SPAG16: variants seen among roughly 807,000 people sequenced by gnomAD.
The protein encoded by SPAG16 is sperm-associated antigen 16 protein.
Under a neutral mutation model 80.4 loss-of-function variants are expected in SPAG16, and 86 were observed. The observed-to-expected ratio is 1.07, with a 90% CI of 0.90 to 1.28. The LOEUF (loss-of-function observed/expected upper bound fraction) is 1.28, where lower values mean the gene tolerates loss of function less well. Among genes scored for constraint, SPAG16 ranks in the 50% most tolerant of loss-of-function variants. The probability of loss-of-function intolerance (pLI) is 0.00; values close to 1 mark genes in which losing one functional copy is unlikely to be tolerated. For missense variants in SPAG16, 870 were observed against 765.3 expected (o/e 1.14, Z -1.61); for synonymous variants, 294 against 265.9 (o/e 1.11, Z -1.03).
At position 213,791,659 on chromosome 2, in the gene SPAG16, AC is replaced by A. The variant is rs2070710302; in HGVS notation, c.1071-70825del. ...ATGAAAAATATTCATTCTGAAATCT[AC>A]GTTAAATACTTCAAATAAAAAAGTA... On this transcript the variant is annotated intron_variant, in intron 10 of 15. Coordinates refer to ENST00000331683, the MANE Select transcript of SPAG16 (RefSeq NM_024532.5). Among the ~76,000 whole-genome samples, 11 of 152,268 alleles carry A rather than the reference AC, an allele frequency of 7.2e-5. No individual in the cohort carries two copies. The South Asian group carries it at 2.3e-3, about 32-fold the overall frequency.
At chr2:213,330,156 C>T (rs1211812207) in intron 5 of SPAG16, among the ~76,000 whole-genome samples, 1 of 152,190 alleles carries the variant, frequency 6.6e-6, no homozygotes, top group Non-Finnish European at 1.5e-5. Flanking sequence ...GGTGGGAGCC[C>T]CCACACAGAG....
intron 10 of SPAG16, among the ~76,000 whole-genome samples, chr2:213,761,872 CA>C (rs1285171379): frequency 7.7e-6 from 1 of 129,172 alleles, no homozygotes; most frequent in Non-Finnish European, 1.8e-5. Flanking sequence ...TGTCAAAAAA[CA>C]AAAATAAAAA....
intron 11 of SPAG16, chr2:213,923,741 A>T (rs2078329077): frequency 1.3e-5 from 2 of 152,224 alleles, no homozygotes; most frequent in South Asian, 2.1e-4. Context: ...GCAACCAGTG[A>T]TGAGGGCAGG....
intron 15 of SPAG16, among the ~76,000 whole-genome samples, chr2:214,254,211 T>C (rs1690511119): frequency 1.3e-5 from 2 of 152,174 alleles, no homozygotes; most frequent in Admixed American, 1.3e-4. Flanking sequence ...TTTCTAAATA[T>C]ACAATCATGT....
chr2:213,793,887 A>T (rs2070858215), intron 10 of SPAG16, among the ~76,000 whole-genome samples: 1 of 152,134 alleles, frequency 6.6e-6, no homozygotes, highest in Non-Finnish European at 1.5e-5. Flanking sequence ...CATAAATGAG[A>T]CACTTCTCAG....
At chr2:214,164,586 C>T (rs969546933) in intron 15 of SPAG16, among the ~76,000 whole-genome samples, 7 of 152,068 alleles carry the variant, frequency 4.6e-5, no homozygotes, top group African/African-American at 1.4e-4. Context: ...GTGGCACCAA[C>T]GCTGGTCTTT....
chr2:214,144,934 A>G (rs1183623358), intron 14 of SPAG16, among the ~76,000 whole-genome samples: 3 of 152,042 alleles, frequency 2.0e-5, no homozygotes, highest in Non-Finnish European at 2.9e-5. Context: ...ATATAAAGAC[A>G]TAGGGACTTT....
intron 11 of SPAG16, among the ~76,000 whole-genome samples, chr2:213,888,121 G>A (rs574366415): frequency 6.6e-6 from 1 of 151,860 alleles, no homozygotes; most frequent in East Asian, 1.9e-4. Flanking sequence ...TGGATGCTTT[G>A]AATAGACTTA....
At chr2:213,989,454 C>T (rs1212796888) in intron 12 of SPAG16, among the ~76,000 whole-genome samples, 1 of 151,966 alleles carries the variant, frequency 6.6e-6, no homozygotes, top group East Asian at 1.9e-4. Flanking sequence ...TGGGGTTTTC[C>T]TGCTTTTATT....
chr2:214,226,812 C>A (rs562571188), intron 15 of SPAG16, among the ~76,000 whole-genome samples: 1 of 152,040 alleles, frequency 6.6e-6, no homozygotes. Context: ...CTGGTTGGAG[C>A]TGATCCCCTG....
At chr2:214,083,819 G>A (rs573277194) in intron 13 of SPAG16, among the ~76,000 whole-genome samples, 10 of 152,154 alleles carry the variant, frequency 6.6e-5, no homozygotes, top group African/African-American at 2.4e-4. Context: ...GGTAGTTGCT[G>A]TATCTTATTA....
chr2:213,326,474 A>G (rs2063845088), intron 5 of SPAG16, among the ~76,000 whole-genome samples: 1 of 151,866 alleles, frequency 6.6e-6, no homozygotes, highest in Admixed American at 6.6e-5. Context: ...TTAAGAAGGT[A>G]TTTTTTTCTG....
chr2:213,521,682 G>T (rs2075675916), intron 10 of SPAG16, among the ~76,000 whole-genome samples: 1 of 152,132 alleles, frequency 6.6e-6, no homozygotes, highest in African/African-American at 2.4e-5. Flanking sequence ...TCTGCAGAAG[G>T]CCAATGTCAA....
chr2:213,434,886 T>C (rs2070533527), intron 9 of SPAG16, among the ~76,000 whole-genome samples: 2 of 152,160 alleles, frequency 1.3e-5, no homozygotes. Context: ...ACAACCACTA[T>C]GAAAAGCTGT....
chr2:214,047,853 T>C (rs952090905), intron 13 of SPAG16, among the ~76,000 whole-genome samples: 1 of 152,138 alleles, frequency 6.6e-6, no homozygotes, highest in African/African-American at 2.4e-5. Context: ...AAAATTCTAA[T>C]ACTCTGATTT....
intron 12 of SPAG16, among the ~76,000 whole-genome samples, chr2:213,986,616 T>A (rs1053698221): frequency 7.2e-5 from 11 of 152,104 alleles, no homozygotes; most frequent in African/African-American, 2.6e-4. Flanking sequence ...TAAAATGATT[T>A]GTTAGAAAAC....
intron 15 of SPAG16, among the ~76,000 whole-genome samples, chr2:214,268,083 T>G (rs554984803): frequency 1.2e-4 from 18 of 151,566 alleles, no homozygotes; most frequent in African/African-American, 4.1e-4. Context: ...ATGCTCAACA[T>G]CTCTAATTAT....
intron 10 of SPAG16, among the ~76,000 whole-genome samples, chr2:213,782,932 A>C (rs2070090032): frequency 6.6e-6 from 1 of 152,278 alleles, no homozygotes. Flanking sequence ...GCTTTAGGGT[A>C]CATGTGCACA....
chr2:214,107,791 A>T (rs2053457668), intron 13 of SPAG16, among the ~76,000 whole-genome samples: 1 of 152,166 alleles, frequency 6.6e-6, no homozygotes, highest in Admixed American at 6.6e-5. Flanking sequence ...TTTAAAAAGA[A>T]AAAGAGAGAC....
Sources: allele counts gnomAD v4.1 joint callset (sites outside exome capture counted in the v4.1 genomes callset), GRCh38; gene constraint gnomAD v4.1.1; transcripts MANE v1.5; gene names NCBI Gene and HGNC (gene_info 2026-07-23, HGNC 2026-07-21).